BRD4: variants seen among roughly 807,000 people sequenced by gnomAD.
BRD4 encodes the protein bromodomain-containing protein 4.
In BRD4, 16 loss-of-function variants were observed where a neutral mutation model predicts 142.1. That is an observed-to-expected ratio of 0.11 (90% CI 0.08 to 0.17). The LOEUF is 0.17. Among genes scored for constraint, BRD4 ranks in the 10% least tolerant of loss-of-function variants. The pLI is 1.00. For synonymous variants in BRD4, 833 were observed against 707.5 expected (o/e 1.18, Z -2.82); for missense variants, 1,424 against 1,810.9 (o/e 0.79, Z 3.88).
rs2145497473 is a variant in BRD4 at position 15,238,643 on chromosome 19, TC to T, written c.4020+99del. 2 of 1,451,432 alleles carry T rather than the reference TC, an allele frequency of 1.4e-6. No homozygotes were observed. The highest frequency in any genetic ancestry group is 2.6e-4 in the Middle Eastern group (1 of 3,904). The allele number at this position is 1,451,432 out of a possible 1,614,324, so 89.9% of individuals were successfully genotyped here. On this transcript the variant is annotated intron_variant, in intron 19 of 19. Coordinates refer to ENST00000679869, the MANE Select transcript of BRD4 (RefSeq NM_001379291.1). This position sits in a 1 kb window ranked among gnomAD's most constrained non-coding sequence, Gnocchi z 7.2. ...ACATGCCGACCAGCAGGGACGGGGC[TC>T]CCCCGCTGCCCCTCCCTGTCCAGGC...
intron 1 of BRD4, among the ~76,000 whole-genome samples, chr19:15,304,343 A>G (rs948729526): frequency 3.3e-5 from 5 of 152,326 alleles, no homozygotes; most frequent in African/African-American, 1.2e-4. Flanking sequence ...CACCATAGTT[A>G]CAAGTGCTGG....
chr19:15,322,422 A>G (rs914261976), intron 1 of BRD4, among the ~76,000 whole-genome samples: 2 of 152,024 alleles, frequency 1.3e-5, no homozygotes, highest in African/African-American at 4.8e-5. Flanking sequence ...TTAAAAACAC[A>G]AAGAAAGCCA....
At chr19:15,301,865 G>GA (rs952860124) in intron 1 of BRD4, among the ~76,000 whole-genome samples, 3,977 of 40,480 alleles carry the variant, frequency 0.098, 142 homozygotes, top group African/African-American at 0.21. Flanking sequence ...CCGTCTCAAA[G>GA]AAAAAAAAAA....
In BRD4 at chr19:15,236,854, G is replaced by GTGTT. The variant is rs952928404; in HGVS notation, c.*1519_*1522dup. On this transcript the variant is annotated 3_prime_UTR_variant, in exon 20 of 20. Coordinates refer to ENST00000679869, the MANE Select transcript of BRD4 (RefSeq NM_001379291.1). ...ACGCCAGCATTAAAAAAAGAGAGAT[G>GTGTT]TGTTTATTCCATGATCAGTACAGAC... 5.3e-6 allele frequency: 1 copy of GTGTT among 188,608 alleles called. No homozygotes were observed. Among genetic ancestry groups the GTGTT allele is most frequent in the African/African-American group, 2.3e-5 (1 of 42,598 alleles). 11.7% of individuals were successfully genotyped at this position (188,608 alleles called of 1,614,324 possible). A position where few individuals can be genotyped will look rare whatever the true frequency, so the allele number is the denominator to read the frequency against.
chr19:15,274,370 G>A (rs1033139923), intron 1 of BRD4, among the ~76,000 whole-genome samples: 1 of 152,230 alleles, frequency 6.6e-6, no homozygotes, highest in African/African-American at 2.4e-5. Flanking sequence ...AAGTGTGATG[G>A]GGTCAAGGGG....
In BRD4 at chr19:15,265,162, G is replaced by C. The variant is rs546202523; in HGVS notation, c.849+192C>G. Among the ~76,000 whole-genome samples, 9 of 152,332 alleles carry C rather than the reference G, an allele frequency of 5.9e-5. No individual in the cohort carries two copies. In the South Asian group the frequency reaches 1.9e-3, roughly 32 times the overall value. On this transcript the variant is annotated intron_variant, in intron 5 of 19. Transcript: ENST00000679869. ...TGCAGGGGGCAGGAACCCACTAGGA[G>C]GTGTGACACAATTATGGGACCTTTG...
At chr19:15,251,543 G>C (rs1292681471) in intron 11 of BRD4, among the ~76,000 whole-genome samples, 1 of 149,056 alleles carries the variant, frequency 6.7e-6, no homozygotes, top group African/African-American at 2.5e-5. Flanking sequence ...CGTTAAGGCA[G>C]AGCTGCCTGT....
intron 1 of BRD4, among the ~76,000 whole-genome samples, chr19:15,309,236 G>A (rs28398915): frequency 4.0e-5 from 6 of 151,078 alleles, no homozygotes; most frequent in Non-Finnish European, 8.8e-5. Flanking sequence ...GGGAGGCTGA[G>A]GCAGGAGAAT....
At chr19:15,294,170 T>A (rs2047805377) in intron 1 of BRD4, among the ~76,000 whole-genome samples, 1 of 152,264 alleles carries the variant, frequency 6.6e-6, no homozygotes, top group Admixed American at 6.5e-5. Flanking sequence ...GTAATGATTT[T>A]CTCATACTCT....
intron 1 of BRD4, among the ~76,000 whole-genome samples, chr19:15,284,997 C>T (rs368345766): frequency 1.8e-4 from 28 of 152,214 alleles, no homozygotes; most frequent in African/African-American, 6.8e-4. Flanking sequence ...CATGCCTCAT[C>T]TCCTCACTGT....
chr19:15,330,222 A>T (rs2048145063), intron 1 of BRD4, among the ~76,000 whole-genome samples: 1 of 152,198 alleles, frequency 6.6e-6, no homozygotes, highest in African/African-American at 2.4e-5. Flanking sequence ...GGCTAACTCC[A>T]GTTTGAGCCT....
chr19:15,252,306 T>C (rs1247586639), intron 11 of BRD4, among the ~76,000 whole-genome samples: 1 of 152,224 alleles, frequency 6.6e-6, no homozygotes, highest in African/African-American at 2.4e-5. Flanking sequence ...GACCACGTCA[T>C]GTCATTTTAG....
chr19:15,329,877 T>C (rs913090657), intron 1 of BRD4, among the ~76,000 whole-genome samples: 3 of 152,182 alleles, frequency 2.0e-5, no homozygotes, highest in Non-Finnish European at 4.4e-5. Context: ...AGTACAAAGA[T>C]CACAACAACT....
At chr19:15,327,544 G>C (rs2048119300) in intron 1 of BRD4, among the ~76,000 whole-genome samples, 1 of 151,050 alleles carries the variant, frequency 6.6e-6, no homozygotes. Flanking sequence ...ACTCCGTCTC[G>C]AAAAAGAAAA....
chr19:15,309,848 G>A (rs556947386), intron 1 of BRD4, among the ~76,000 whole-genome samples: 44 of 152,228 alleles, frequency 2.9e-4, no homozygotes, highest in Non-Finnish European at 4.9e-4. Flanking sequence ...GAATCACTGT[G>A]CCGGAGTGAA....
chr19:15,272,354 G>A (rs2047597602), intron 2 of BRD4, among the ~76,000 whole-genome samples: 1 of 152,164 alleles, frequency 6.6e-6, no homozygotes, highest in South Asian at 2.1e-4. Context: ...TCCCCACCGT[G>A]TGCTCCGGGT....
intron 1 of BRD4, among the ~76,000 whole-genome samples, chr19:15,331,321 G>A (rs1037007075): frequency 6.6e-6 from 1 of 152,176 alleles, no homozygotes; most frequent in Non-Finnish European, 1.5e-5. Flanking sequence ...CATCTCAGCC[G>A]AGTGAAGCCA....
chr19:15,289,713 C>T (rs533707882), intron 1 of BRD4, among the ~76,000 whole-genome samples: 81 of 151,602 alleles, frequency 5.3e-4, no homozygotes, highest in African/African-American at 1.9e-3. Context: ...ACTTTTGCAC[C>T]ATCCTAATAG....
At chr19:15,243,820 C>T (rs1599433942) in intron 13 of BRD4, among the ~76,000 whole-genome samples, 1 of 152,180 alleles carries the variant, frequency 6.6e-6, no homozygotes, top group East Asian at 1.9e-4. Flanking sequence ...GCCCTGTCCC[C>T]ATATCCCCCA....
Sources: gnomAD v4.1 joint callset for allele counts (sites outside exome capture counted in the v4.1 genomes callset) on GRCh38, gnomAD v4.1.1 for gene constraint, Gnocchi (gnomAD v3.1) non-coding constraint, MANE v1.5 for transcripts, NCBI Gene and HGNC (gene_info 2026-07-23, HGNC 2026-07-21) for gene names.